Variants in TMED3 observed in about 807,000 individuals in gnomAD.
The protein encoded by TMED3 is transmembrane p24 trafficking protein 3.
In TMED3, 9 loss-of-function variants were observed where a neutral mutation model predicts 15.0. The ratio of observed to expected loss-of-function variants is 0.60; its 90% CI spans 0.36 to 1.04. The LOEUF is 1.04. Among genes scored for constraint, TMED3 ranks in the 50% least tolerant of loss-of-function variants. The pLI is 0.01. For missense variants in TMED3, 267 were observed against 278.9 expected (o/e 0.96, Z 0.30); for synonymous variants, 117 against 121.4 (o/e 0.96, Z 0.24).
downstream of TMED3, among the ~76,000 whole-genome samples, chr15:79,325,621 C>A (rs770554399): frequency 5.3e-5 from 8 of 152,118 alleles, no homozygotes; most frequent in Non-Finnish European, 7.4e-5. Context: ...TGAAGTCCCA[C>A]GATAGGTCCT....
intron 2 of TMED3, among the ~76,000 whole-genome samples, chr15:79,353,267 TATAATA>T (rs2058903171): frequency 1.7e-5 from 1 of 59,640 alleles, no homozygotes; most frequent in African/African-American, 7.8e-5. Flanking sequence ...ATATATTATA[TATAATA>T]TATATAATAT....
intron 2 of TMED3, among the ~76,000 whole-genome samples, chr15:79,336,088 A>G (rs942648628): frequency 6.6e-6 from 1 of 152,214 alleles, no homozygotes; most frequent in African/African-American, 2.4e-5. Flanking sequence ...TAAGATCAAT[A>G]CAAGCCATTC....
chr15:79,386,704 A>ATT (rs35828266), intron 2 of TMED3, among the ~76,000 whole-genome samples: 55,148 of 124,986 alleles, frequency 0.44, 13,628 homozygotes, highest in Middle Eastern at 0.65. Context: ...ATGCCTGGCT[A>ATT]TTTTTTTTTT....
Position 79,363,241 on chromosome 15 carries a change from A to G in TMED3, c.418-48159A>G, listed in dbSNP as rs567024751. Among the ~76,000 whole-genome samples, 36 of 152,352 alleles carry G rather than the reference A, an allele frequency of 2.4e-4. 1 individual carries two copies. In the South Asian group the frequency reaches 7.5e-3, roughly 32 times the overall value. Reference sequence around the variant, plus strand: ...TAAAAAACTGCACACAACAGAAAATATAGGTAATTGTTATTTACACATCCT... The same window carrying G: ...TAAAAAACTGCACACAACAGAAAATGTAGGTAATTGTTATTTACACATCCT... On this transcript the variant is annotated intron_variant, in intron 2 of 2. Transcript: ENST00000424155.
At chr15:79,381,233 G>C (rs1035930907) in intron 2 of TMED3, among the ~76,000 whole-genome samples, 3 of 152,060 alleles carry the variant, frequency 2.0e-5, no homozygotes, top group African/African-American at 7.2e-5. Flanking sequence ...AGTTGTTGGT[G>C]GGCTCTAAGG....
rs145365047 is a variant in TMED3 at position 79,320,262 on chromosome 15, C to T, written c.418-1716C>T. ...CTGGTCACTTCTCACTATGTCCCCT[C>T]AGCTCCTATCTCTGTGTGGCCTGGT... On this transcript the variant is annotated intron_variant, in intron 2 of 2. Coordinates refer to ENST00000299705, the MANE Select transcript of TMED3 (RefSeq NM_007364.4). Among the ~76,000 whole-genome samples the T allele has an allele frequency of 9.6e-3, 1,467 of 152,284 alleles. 17 individuals are homozygous for T. The highest frequency in any genetic ancestry group is 0.033 in the African/African-American group (1,371 of 41,562).
Position 79,385,311 on chromosome 15 carries a change from G to A in TMED3, c.418-26089G>A, listed in dbSNP as rs545907477. 2.0e-5 allele frequency among the ~76,000 whole-genome samples: 3 copies of A among 152,272 alleles called. No homozygotes were observed. The East Asian group carries it at 5.8e-4, about 29-fold the overall frequency. On this transcript the variant is annotated intron_variant, in intron 2 of 2. Transcript: ENST00000424155. ...GTGTCTAACTCAGGCAAGGTGAGAG[G>A]TCCGCACCTACCCCTAGGAAGGGGG...
chr15:79,357,203 G>A (rs913586065), intron 2 of TMED3, among the ~76,000 whole-genome samples: 2 of 151,896 alleles, frequency 1.3e-5, no homozygotes, highest in African/African-American at 4.8e-5. Flanking sequence ...ACAAGCACAC[G>A]GCTGGGCATG....
chr15:79,356,216 G>A (rs1438562192), intron 2 of TMED3, among the ~76,000 whole-genome samples: 2 of 152,154 alleles, frequency 1.3e-5, no homozygotes, highest in African/African-American at 2.4e-5. Context: ...TTAGATTGGC[G>A]AGGAAAAGCT....
chr15:79,313,746 A>C lies in TMED3; in HGVS notation c.169-11A>C, dbSNP rs763210144. The C allele has an allele frequency of 8.1e-6, 13 of 1,604,904 alleles. No individual in the cohort carries two copies. The highest frequency in any genetic ancestry group is 1.1e-5 in the Non-Finnish European group (13 of 1,173,682). ...CTCCTTTGATAACAGCAATTTTTTT[A>C]TGGTTGTCAGGTCATCACTGGAGGC... On this transcript the variant is annotated splice_polypyrimidine_tract_variant and intron_variant, in intron 1 of 2. Transcript: ENST00000299705.
intron 2 of TMED3, among the ~76,000 whole-genome samples, chr15:79,352,030 G>T (rs745588339): frequency 3.3e-5 from 5 of 149,848 alleles, no homozygotes; most frequent in Non-Finnish European, 5.9e-5. Context: ...GGACTCAAAG[G>T]CATAAGAATG....
At chr15:79,405,714 G>A (rs572777399) in intron 2 of TMED3, among the ~76,000 whole-genome samples, 5 of 152,200 alleles carry the variant, frequency 3.3e-5, no homozygotes, top group African/African-American at 1.2e-4. Context: ...AATACTTTCC[G>A]CTTCTGGCTC....
chr15:79,397,247 A>C (rs186521085), intron 2 of TMED3, among the ~76,000 whole-genome samples: 2 of 152,292 alleles, frequency 1.3e-5, no homozygotes, highest in East Asian at 3.9e-4. Context: ...TTCCTGGTTC[A>C]CAGAGGCTAT....
chr15:79,391,308 AT>A (rs1354658234), intron 2 of TMED3, among the ~76,000 whole-genome samples: 3 of 151,996 alleles, frequency 2.0e-5, no homozygotes, highest in Admixed American at 6.6e-5. Context: ...TTCAATTTCC[AT>A]CTTGATTTTG....
intron 2 of TMED3, among the ~76,000 whole-genome samples, chr15:79,377,857 A>G (rs1253048187): frequency 6.6e-6 from 1 of 152,110 alleles, no homozygotes; most frequent in East Asian, 1.9e-4. Flanking sequence ...CGTGTTAGCC[A>G]GGATGGTCTC....
intron 2 of TMED3, among the ~76,000 whole-genome samples, chr15:79,376,092 GTTTTTTTTTTTTTTTTTTTTTT>G (rs199728545): frequency 4.5e-5 from 5 of 112,062 alleles, no homozygotes; most frequent in Admixed American, 9.7e-5. Flanking sequence ...CTAGAGAAAG[GTTTTTTTTTTTTTTTTTTTTTT>G]TTTTTTTTTT....
chr15:79,371,311 T>C (rs1363317533), intron 2 of TMED3, among the ~76,000 whole-genome samples: 3 of 152,148 alleles, frequency 2.0e-5, no homozygotes, highest in Admixed American at 6.5e-5. Flanking sequence ...CCATATAAAA[T>C]GTCTTTTGTT....
chr15:79,322,250 G>A lies in TMED3; in HGVS notation c.*36G>A. The A allele has an allele frequency of 1.3e-6, 2 of 1,589,666 alleles. No individual in the cohort carries two copies. Among genetic ancestry groups the A allele is most frequent in the Non-Finnish European group, 1.7e-6 (2 of 1,166,410 alleles). ...CTGCTCTAGGGCCCCTCATGCCCCAGGCTGGAGCAGCTCTCCTAGGTCACA... is the reference window on the plus strand; with the variant it reads ...CTGCTCTAGGGCCCCTCATGCCCCAAGCTGGAGCAGCTCTCCTAGGTCACA... On this transcript the variant is annotated 3_prime_UTR_variant, in exon 3 of 3. Coordinates refer to ENST00000299705, the MANE Select transcript of TMED3 (RefSeq NM_007364.4).
At chr15:79,396,929 C>G (rs1157717965) in intron 2 of TMED3, among the ~76,000 whole-genome samples, 1 of 152,144 alleles carries the variant, frequency 6.6e-6, no homozygotes, top group Non-Finnish European at 1.5e-5. Context: ...TCTTTTTACT[C>G]TTTCTATGCA....
Sources: allele counts gnomAD v4.1 joint callset (sites outside exome capture counted in the v4.1 genomes callset), GRCh38; gene constraint gnomAD v4.1.1; transcripts MANE v1.5; gene names NCBI Gene and HGNC (gene_info 2026-07-23, HGNC 2026-07-21).